Variants in ZXDC observed in about 807,000 individuals in gnomAD.
ZXDC encodes zinc finger protein ZXDC.
Under a neutral mutation model 63.6 loss-of-function variants are expected in ZXDC, and 58 were observed. The ratio of observed to expected loss-of-function variants is 0.91; its 90% CI spans 0.74 to 1.13. The LOEUF (loss-of-function observed/expected upper bound fraction) is 1.13. Ranked by LOEUF, ZXDC falls within the 50% of genes most tolerant of loss-of-function variation. ZXDC has a pLI of 0.00. For synonymous variants in ZXDC, 561 were observed against 496.1 expected (o/e 1.13, Z -1.74); for missense variants, 1,133 against 1,148.9 (o/e 0.99, Z 0.20).
intron 6 of ZXDC, chr3:126,460,021 T>G: frequency 1.0e-6 from 1 of 985,458 alleles, no homozygotes; most frequent in Non-Finnish European, 1.2e-6. Context: ...ACTTTTAAAA[T>G]CAATTACATA....
At chr3:126,451,901 C>T (rs984224014) in intron 7 of ZXDC, 9 of 985,194 alleles carry the variant, frequency 9.1e-6, no homozygotes, top group African/African-American at 1.7e-5. Context: ...TTTTGTGAGG[C>T]GTGAACAGAG....
chr3:126,441,063 C>G, intron 8 of ZXDC: 2 of 985,620 alleles, frequency 2.0e-6, no homozygotes, highest in Non-Finnish European at 2.4e-6. Flanking sequence ...GCTTGTATAT[C>G]TCTTCTCTCC....
intron 1 of ZXDC, among the ~76,000 whole-genome samples, chr3:126,473,095 G>A (rs1463061443): frequency 6.6e-6 from 1 of 152,158 alleles, no homozygotes; most frequent in Non-Finnish European, 1.5e-5. Context: ...AAAAGTATCA[G>A]CCCAAGGAAC....
chr3:126,457,157 T>C, intron 7 of ZXDC: 1 of 601,714 alleles, frequency 1.7e-6, no homozygotes, highest in Non-Finnish European at 2.1e-6. Context: ...TGGGGGAGTC[T>C]GGTCACATTC....
chr3:126,472,987 T>C (rs937409447), intron 1 of ZXDC, among the ~76,000 whole-genome samples: 1 of 152,196 alleles, frequency 6.6e-6, no homozygotes, highest in Admixed American at 6.5e-5. Flanking sequence ...TGCAGGATGT[T>C]TAACAGGAGT....
chr3:126,444,116 G>A (rs1933782675), intron 7 of ZXDC, among the ~76,000 whole-genome samples: 1 of 152,212 alleles, frequency 6.6e-6, no homozygotes. Flanking sequence ...GGAACTGCCT[G>A]CCCACGAAGC....
chr3:126,439,587 T>G (rs1343243161), intron 9 of ZXDC, 45 bp downstream of exon 9: 2 of 1,551,092 alleles, frequency 1.3e-6, no homozygotes, highest in Non-Finnish European at 1.7e-6. Context: ...TCGAAGGCTC[T>G]GCGAGTCTCA....
intron 5 of ZXDC, 32 bp downstream of exon 5, chr3:126,466,123 A>T (rs1576685987): frequency 4.4e-6 from 7 of 1,590,558 alleles, no homozygotes; most frequent in Middle Eastern, 1.9e-4. Context: ...ACAGGGAAGC[A>T]GCTCCCCATG....
In ZXDC at chr3:126,475,702, G is replaced by T; in HGVS notation, c.164C>A (p.Pro55His). Reference protein sequence around the residue: ...GPEDGGPGARPGEASGPSPPP... With the variant: ...GPEDGGPGARHGEASGPSPPP... ...CGGGCTTGGCCCGGAGGCCTCCCCG[G>T]GCCGCGCCCCGGGCCCGCCATCTTC... The change falls in exon 1 of 10, where the codon CCC becomes CAC. Residue 55 changes from proline to histidine, a missense_variant. By Grantham distance (77) the Pro-to-His change is moderately conservative. Transcript: ENST00000389709. 1.5e-6 allele frequency: 2 copies of T among 1,294,744 alleles called. No homozygotes were observed. The highest frequency in any genetic ancestry group is 2.0e-5 in the South Asian group (1 of 50,052). The allele number at this position is 1,294,744 out of a possible 1,614,324, so 80.2% of individuals were successfully genotyped here.
At chr3:126,469,850 T>A (rs1002671788) in intron 4 of ZXDC, among the ~76,000 whole-genome samples, 26 of 152,372 alleles carry the variant, frequency 1.7e-4, no homozygotes, top group African/African-American at 5.8e-4. Context: ...AGGAACTGTT[T>A]CTCAGTTACA....
chr3:126,440,595 G>A, intron 8 of ZXDC: 1 of 986,024 alleles, frequency 1.0e-6, no homozygotes, highest in African/African-American at 1.7e-5. Context: ...CCTCTGCCCT[G>A]CCAGCTGAGG....
At chr3:126,464,667 AG>A (rs1934685281) in intron 5 of ZXDC, among the ~76,000 whole-genome samples, 1 of 152,122 alleles carries the variant, frequency 6.6e-6, no homozygotes, top group African/African-American at 2.4e-5. Context: ...TCAATTGGCC[AG>A]GTCAGGAAAG....
intron 4 of ZXDC, 77 bp from the exon 5 acceptor site, chr3:126,466,402 A>T (rs1934768052): frequency 6.4e-7 from 1 of 1,552,230 alleles, no homozygotes; most frequent in Non-Finnish European, 8.8e-7. Context: ...TCCCCATCAG[A>T]TCAGAACCAC....
rs746666172 is a variant in ZXDC at position 126,440,737 on chromosome 3, G to C, written c.2395-1010C>G. 4.1e-6 allele frequency: 4 copies of C among 985,634 alleles called. No homozygotes were observed. In the Admixed American group the frequency reaches 2.5e-4, roughly 61 times the overall value. The allele number at this position is 985,634 out of a possible 1,614,324, so 61.1% of individuals were successfully genotyped here. A position where few individuals can be genotyped will look rare whatever the true frequency, so the allele number is the denominator to read the frequency against. Reference sequence around the variant, plus strand: ...AGACAAGCTTCAGCCCCCATCTGACGCTCACCGCTAGCTTCCAACCAGCAC... The same window carrying C: ...AGACAAGCTTCAGCCCCCATCTGACCCTCACCGCTAGCTTCCAACCAGCAC... On this transcript the variant is annotated intron_variant, in intron 8 of 9. Coordinates refer to ENST00000389709, the MANE Select transcript of ZXDC (RefSeq NM_025112.5).
At chr3:126,455,197 A>T (rs776868317) in intron 7 of ZXDC, 10 of 445,120 alleles carry the variant, frequency 2.2e-5, no homozygotes, top group Non-Finnish European at 2.7e-5. Context: ...TTAGCAACAT[A>T]ACTGACCTGA....
Position 126,442,110 on chromosome 3 carries a change from T to C in ZXDC, c.2213-164A>G, listed in dbSNP as rs541099038. On this transcript the variant is annotated intron_variant, in intron 7 of 9. Coordinates refer to ENST00000389709, the MANE Select transcript of ZXDC (RefSeq NM_025112.5). The stretch of plus-strand genomic sequence containing the variant: ...ACAGAAAAAATCAAGAGTTAAGAGG[T>C]TGAAACAAACAACCATACGAACAAA... The C allele has an allele frequency of 1.7e-4, 126 of 751,214 alleles. 1 individual carries two copies. In the South Asian group the frequency reaches 5.3e-3, roughly 32 times the overall value. The allele number at this position is 751,214 out of a possible 1,614,324, so 46.5% of individuals were successfully genotyped here.
rs79209899 is a variant in ZXDC at position 126,461,703 on chromosome 3, C to A, written c.1959G>T (p.Pro653=). 1 of 1,612,636 alleles carries A rather than the reference C, an allele frequency of 6.2e-7. No homozygotes were observed. The highest frequency in any genetic ancestry group is 1.1e-5 in the South Asian group (1 of 91,002). The part of the protein sequence containing the change: ...SSTPRENASV[P]ELLAPIKVEP... ...CCACCTTGATTGGAGCCAGCAGTTC[C>A]GGGACACTGGCATTTTCTCGGGGGG... The change falls in exon 6 of 10, where the codon CCG becomes CCT. Residue 653 remains proline, a synonymous_variant. Coordinates refer to ENST00000389709, the MANE Select transcript of ZXDC (RefSeq NM_025112.5).
chr3:126,460,063 T>C, intron 6 of ZXDC: 1 of 985,424 alleles, frequency 1.0e-6, no homozygotes, highest in Non-Finnish European at 1.2e-6. Flanking sequence ...ACACCGAGCC[T>C]TGCCTGGGTA....
chr3:126,441,544 A>C, intron 8 of ZXDC: 1 of 1,309,502 alleles, frequency 7.6e-7, no homozygotes, highest in South Asian at 2.5e-5. Flanking sequence ...GGTCCCAGCA[A>C]CACTCAGAGC....
Sources: gnomAD v4.1 joint callset for allele counts (sites outside exome capture counted in the v4.1 genomes callset) on GRCh38, gnomAD v4.1.1 for gene constraint, MANE v1.5 for transcripts, NCBI Gene and HGNC (gene_info 2026-07-23, HGNC 2026-07-21) for gene names.